The following CAPZB variants were observed in gnomAD, a reference collection of about 807,000 sequenced individuals.
The protein encoded by CAPZB is F-actin-capping protein subunit beta.
A neutral mutation model predicts 38.1 loss-of-function variants in CAPZB; 2 were observed. The observed-to-expected ratio is 0.05, with a 90% CI of 0.02 to 0.17. The LOEUF is 0.17. CAPZB is among the 10% of genes least tolerant of loss of function. The pLI is 1.00. For missense variants in CAPZB, 161 were observed against 334.2 expected, an observed-to-expected ratio of 0.48 and a Z score of 4.04; for synonymous variants, 107 against 127.4, an observed-to-expected ratio of 0.84 and a Z score of 1.08.
chr1:19,406,112 G>A (rs2094330593), intron 2 of CAPZB, among the ~76,000 whole-genome samples: 1 of 152,244 alleles, frequency 6.6e-6, no homozygotes, highest in Non-Finnish European at 1.5e-5. Context: ...GGCAGCCACA[G>A]ATGTGGCAAA....
chr1:19,397,890 G>GA (rs1478559903), intron 2 of CAPZB, among the ~76,000 whole-genome samples: 10 of 152,182 alleles, frequency 6.6e-5, no homozygotes, highest in African/African-American at 2.4e-4. Flanking sequence ...GGCAGCATAG[G>GA]AAGGGCTGTT....
At chr1:19,465,712 G>C (rs1422375064) in intron 1 of CAPZB, among the ~76,000 whole-genome samples, 1 of 152,138 alleles carries the variant, frequency 6.6e-6, no homozygotes, top group Non-Finnish European at 1.5e-5. Flanking sequence ...AGAGCTGAAT[G>C]TAGAAAACCA....
Position 19,485,510 on chromosome 1 carries a change from C to T in CAPZB, c.-72G>A. 1 of 1,206,338 alleles carries T rather than the reference C, an allele frequency of 8.3e-7. No homozygotes were observed. Among genetic ancestry groups the T allele is most frequent in the Non-Finnish European group, 1.0e-6 (1 of 966,082 alleles). The allele number at this position is 1,206,338 out of a possible 1,614,324, so 74.7% of individuals were successfully genotyped here. ...CCCCCCGCAGCAGGGCCCGGCGCTT[C>T]CACTTCCCCGGGTGCCCAGGAGTGA... On this transcript the variant is annotated 5_prime_UTR_variant, in exon 1 of 9. The change creates a premature stop within an existing upstream ORF in the 5' untranslated region. Transcript: ENST00000264202.
intron 1 of CAPZB, among the ~76,000 whole-genome samples, chr1:19,433,580 C>A (rs1273788664): frequency 6.6e-6 from 1 of 152,208 alleles, no homozygotes; most frequent in East Asian, 1.9e-4. Context: ...GCAAACAGCA[C>A]AAACGGGCAT....
chr1:19,448,854 ATCT>A, intron 1 of CAPZB: 3 of 1,612,874 alleles, frequency 1.9e-6, no homozygotes, highest in Non-Finnish European at 2.5e-6. Flanking sequence ...TCTGGGTCAC[ATCT>A]TCTGGGCTGG....
chr1:19,437,372 C>T (rs1478590681), intron 1 of CAPZB, among the ~76,000 whole-genome samples: 1 of 152,192 alleles, frequency 6.6e-6, no homozygotes, highest in African/African-American at 2.4e-5. Flanking sequence ...GTACATTCCT[C>T]ACCTACAAAC....
intron 8 of CAPZB, among the ~76,000 whole-genome samples, chr1:19,343,952 C>T (rs910765129): frequency 4.6e-5 from 7 of 152,194 alleles, no homozygotes; most frequent in African/African-American, 4.8e-5. Context: ...CTGCACGTTG[C>T]GCTCTGCTGT....
chr1:19,352,962 C>T (rs910839730), intron 6 of CAPZB, among the ~76,000 whole-genome samples: 5 of 152,236 alleles, frequency 3.3e-5, no homozygotes, highest in Non-Finnish European at 7.3e-5. Flanking sequence ...CGAGTGGGCA[C>T]AGGGCATAGC....
chr1:19,349,389 C>T lies in CAPZB; in HGVS notation c.589-4137G>A, dbSNP rs570316920. ...GCAAATCAGAGTCTCTCCTCCTCCC[C>T]GGCTCCATGTGGACGGCAGATTCCC... On this transcript the variant is annotated intron_variant, in intron 6 of 8. Coordinates refer to ENST00000264202, the MANE Select transcript of CAPZB (RefSeq NM_004930.5). Among the ~76,000 whole-genome samples, 6 of 152,188 alleles carry T rather than the reference C, an allele frequency of 3.9e-5. No homozygotes were observed. In the South Asian group the frequency reaches 6.2e-4, roughly 16 times the overall value.
At chr1:19,420,504 C>G (rs532422465) in intron 1 of CAPZB, among the ~76,000 whole-genome samples, 1 of 151,946 alleles carries the variant, frequency 6.6e-6, no homozygotes, top group South Asian at 2.1e-4. Flanking sequence ...ACAACCCCCA[C>G]TTTCCAGGCT....
intron 1 of CAPZB, among the ~76,000 whole-genome samples, chr1:19,460,553 G>A (rs1050892888): frequency 2.7e-5 from 4 of 149,448 alleles, no homozygotes; most frequent in African/African-American, 4.9e-5. Context: ...AGGATTACAG[G>A]CGTGAGCCAC....
chr1:19,348,067 A>G (rs1285882529), intron 6 of CAPZB, among the ~76,000 whole-genome samples: 1 of 152,160 alleles, frequency 6.6e-6, no homozygotes, highest in Admixed American at 6.5e-5. Flanking sequence ...CGCTACTAGG[A>G]AAGCTTTTGT....
At chr1:19,439,344 T>C (rs2094468284) in intron 1 of CAPZB, among the ~76,000 whole-genome samples, 1 of 152,256 alleles carries the variant, frequency 6.6e-6, no homozygotes, top group Admixed American at 6.5e-5. Flanking sequence ...TGTACTCATA[T>C]GGGAAAATAT....
At chr1:19,466,019 G>A (rs151061925) in intron 1 of CAPZB, among the ~76,000 whole-genome samples, 1 of 152,316 alleles carries the variant, frequency 6.6e-6, no homozygotes, top group African/African-American at 2.4e-5. Context: ...ACAGCTAAAA[G>A]TGTAAGGGAA....
At chr1:19,441,113 T>C (rs1249638398) in intron 1 of CAPZB, among the ~76,000 whole-genome samples, 2 of 152,214 alleles carry the variant, frequency 1.3e-5, no homozygotes, top group Non-Finnish European at 2.9e-5. Flanking sequence ...TAAAACCTTA[T>C]GCAGAAAGTC....
intron 1 of CAPZB, among the ~76,000 whole-genome samples, chr1:19,472,709 ATTTTTTTTT>A (rs11334966): frequency 1.6e-4 from 10 of 61,202 alleles, no homozygotes; most frequent in African/African-American, 6.9e-4. Flanking sequence ...TTCATTCTTC[ATTTTTTTTT>A]TTTTTTTTTT....
chr1:19,419,415 G>C (rs2094392833), intron 2 of CAPZB, among the ~76,000 whole-genome samples: 1 of 152,128 alleles, frequency 6.6e-6, no homozygotes, highest in African/African-American at 2.4e-5. Flanking sequence ...AGCTGGGGAG[G>C]GAGCAGACTG....
intron 3 of CAPZB, 74 bp from the exon 4 acceptor site, chr1:19,378,727 G>A (rs1364320025): frequency 3.7e-6 from 3 of 805,960 alleles, no homozygotes; most frequent in East Asian, 5.1e-5. Context: ...GGGAGCCTGA[G>A]CCCTGGCTAT....
intron 4 of CAPZB, among the ~76,000 whole-genome samples, chr1:19,376,384 CCCA>C (rs1319867924): frequency 1.3e-5 from 2 of 152,318 alleles, no homozygotes; most frequent in East Asian, 3.9e-4. Context: ...TGAGATGGCT[CCCA>C]AGAAGCTTAC....
Sources: gnomAD v4.1 joint callset for allele counts (sites outside exome capture counted in the v4.1 genomes callset) on GRCh38, gnomAD v4.1.1 for gene constraint, MANE v1.5 for transcripts, NCBI Gene and HGNC (gene_info 2026-07-23, HGNC 2026-07-21) for gene names.